CCDC171: variants seen among roughly 807,000 people sequenced by gnomAD.
CCDC171 encodes coiled-coil domain-containing protein 171.
CCDC171 carries 177 observed loss-of-function variants against 168.2 expected under a neutral mutation model. That is an observed-to-expected ratio of 1.05 (90% confidence interval 0.93 to 1.19). The LOEUF (loss-of-function observed/expected upper bound fraction) is 1.19. Among genes scored for constraint, CCDC171 ranks in the 50% most tolerant of loss-of-function variants. CCDC171 has a pLI of 0.00. For missense variants in CCDC171, 1,991 were observed against 1,539.0 expected, an observed-to-expected ratio of 1.29 and a Z score of -4.91; for synonymous variants, 687 against 540.8, an observed-to-expected ratio of 1.27 and a Z score of -3.75.
intron 16 of CCDC171, 101 bp from the exon 17 acceptor site, chr9:15,744,171 AG>A: frequency 1.1e-6 from 1 of 896,174 alleles, no homozygotes; most frequent in Non-Finnish European, 1.6e-6. Context: ...TTAAAGAGGA[AG>A]AAGTGGTTGT....
intron 25 of CCDC171, among the ~76,000 whole-genome samples, chr9:15,961,323 G>A (rs1056582430): frequency 6.6e-6 from 1 of 152,082 alleles, no homozygotes; most frequent in African/African-American, 2.4e-5. Context: ...ATGAAATAGT[G>A]GTCAGAAAAC....
downstream of CCDC171, among the ~76,000 whole-genome samples, chr9:15,977,965 C>T (rs1334070551): frequency 6.6e-6 from 1 of 152,072 alleles, no homozygotes; most frequent in African/African-American, 2.4e-5. Context: ...TATAATAGGA[C>T]ATCTCATTTT....
intron 24 of CCDC171, among the ~76,000 whole-genome samples, chr9:15,899,359 AT>A (rs36057582): frequency 0.38 from 58,302 of 151,910 alleles, 11,392 homozygotes; most frequent in Non-Finnish European, 0.42. Flanking sequence ...GTACTGAGGA[AT>A]GTGATTGCCT....
At chr9:15,945,995 C>A (rs972764582) in intron 25 of CCDC171, among the ~76,000 whole-genome samples, 2 of 151,344 alleles carry the variant, frequency 1.3e-5, no homozygotes, top group East Asian at 2.0e-4. Flanking sequence ...GTTTTCTTCT[C>A]TGGTTTTTAT....
chr9:15,884,659 AT>A (rs1344614411), intron 24 of CCDC171, among the ~76,000 whole-genome samples: 1 of 152,122 alleles, frequency 6.6e-6, no homozygotes, highest in Non-Finnish European at 1.5e-5. Context: ...TGGCCCTGTA[AT>A]TTAACCACCT....
In CCDC171 at chr9:15,815,728, C is replaced by A. The variant is rs147275050; in HGVS notation, c.3268-30974C>A. 3.0e-3 allele frequency among the ~76,000 whole-genome samples: 354 copies of A among 116,652 alleles called. 103 individuals are homozygous for A. The highest frequency in any genetic ancestry group is 0.012 in the Middle Eastern group (2 of 164). The allele number at this position is 116,652 out of a possible 152,430, so 76.5% of individuals were successfully genotyped here. A position where few individuals can be genotyped will look rare whatever the true frequency, so the allele number is the denominator to read the frequency against. On this transcript the variant is annotated intron_variant, in intron 21 of 25. Transcript: ENST00000380701. ...ATGTAAAGATCTCTTAGTTGCCAAA[C>A]CTTGGTTATAATAATAATTAACATC... is the stretch of plus-strand genomic sequence containing the variant.
rs548931552 is a variant in CCDC171 at position 16,053,425 on chromosome 9, C to G, written n.90-7221C>G. 3.4e-3 allele frequency among the ~76,000 whole-genome samples: 520 copies of G among 152,348 alleles called. 3 individuals are homozygous for G. The highest frequency in any genetic ancestry group is 0.012 in the African/African-American group (506 of 41,580). ...ACTGGGGGATACAGGCAAGTAAGGG[C>G]TCACATGTCAGCCCTGCCACTTACA... On this transcript the variant is annotated intron_variant and non_coding_transcript_variant, in intron 1 of 1. Coordinates refer to the CCDC171 transcript ENST00000478913.
chr9:15,591,067 A>G (rs150855438), intron 4 of CCDC171, among the ~76,000 whole-genome samples: 5 of 151,972 alleles, frequency 3.3e-5, no homozygotes, highest in African/African-American at 1.2e-4. Flanking sequence ...CTGGTGCTAG[A>G]AGTGCACCTA....
Position 15,671,441 on chromosome 9 carries a change from T to C in CCDC171, c.1076+5118T>C, listed in dbSNP as rs534186244. On this transcript the variant is annotated intron_variant, in intron 9 of 25. Transcript: ENST00000380701. ...GTATACATGTGCCACGTTGGTTTGC[T>C]GCATCCATCAACTCGCTTACATTAG... 1.2e-3 allele frequency among the ~76,000 whole-genome samples: 177 copies of C among 152,290 alleles called. 1 individual carries two copies. The highest frequency in any genetic ancestry group is 3.9e-3 in the Admixed American group (59 of 15,290).
At chr9:15,963,768 G>A (rs1830559056) in intron 25 of CCDC171, among the ~76,000 whole-genome samples, 1 of 152,150 alleles carries the variant, frequency 6.6e-6, no homozygotes, top group Admixed American at 6.5e-5. Context: ...GCTGGCAGTG[G>A]TTTCCTGGCA....
chr9:15,636,726 G>A (rs567780082), intron 7 of CCDC171, among the ~76,000 whole-genome samples: 2 of 144,642 alleles, frequency 1.4e-5, no homozygotes, highest in South Asian at 2.3e-4. Context: ...CTCTAGCCTG[G>A]GCAACAAAGT....
intron 12 of CCDC171, 53 bp from the exon 13 acceptor site, chr9:15,723,628 A>G (rs1460413213): frequency 7.3e-7 from 1 of 1,362,946 alleles, no homozygotes; most frequent in Non-Finnish European, 1.0e-6. Flanking sequence ...GAAAAATGTA[A>G]AAAAGTTACT....
At chr9:15,991,067 C>G (rs1356715850) in intron 3 of CCDC171, among the ~76,000 whole-genome samples, 1 of 152,128 alleles carries the variant, frequency 6.6e-6, no homozygotes, top group African/African-American at 2.4e-5. Context: ...AGTTCTGCAC[C>G]AAGCAGACCT....
intron 25 of CCDC171, among the ~76,000 whole-genome samples, chr9:15,950,515 G>C (rs2132454756): frequency 6.6e-6 from 1 of 152,068 alleles, no homozygotes; most frequent in South Asian, 2.1e-4. Flanking sequence ...TTCATATCCA[G>C]CCAAACTAAG....
At chr9:15,799,985 T>C (rs974881125) in intron 21 of CCDC171, among the ~76,000 whole-genome samples, 1 of 152,158 alleles carries the variant, frequency 6.6e-6, no homozygotes, top group Admixed American at 6.6e-5. Context: ...TAATACTCTA[T>C]TGTGTATAAG....
chr9:15,817,636 G>C lies in CCDC171; in HGVS notation c.3268-29066G>C, dbSNP rs538137394. ...TGAGATCAAACTGCGAGGTGGCAGGGAGGCTGGGGGAGGGGCGCCTGCCAT... is the reference window on the plus strand; with the variant it reads ...TGAGATCAAACTGCGAGGTGGCAGGCAGGCTGGGGGAGGGGCGCCTGCCAT... On this transcript the variant is annotated intron_variant, in intron 21 of 25. Coordinates refer to ENST00000380701, the MANE Select transcript of CCDC171 (RefSeq NM_173550.4). Among the ~76,000 whole-genome samples, 16 of 118,554 alleles carry C rather than the reference G, an allele frequency of 1.3e-4. 3 individuals carry two copies. Among genetic ancestry groups the C allele is most frequent in the African/African-American group, 4.7e-4 (15 of 31,692 alleles). 77.8% of individuals were successfully genotyped at this position (118,554 alleles called of 152,430 possible).
chr9:15,874,679 A>G lies in CCDC171; in HGVS notation c.3600+16A>G. 10 of 1,549,840 alleles carry G rather than the reference A, an allele frequency of 6.5e-6. No homozygotes were observed. Among genetic ancestry groups the G allele is most frequent in the Non-Finnish European group, 8.7e-6 (10 of 1,148,542 alleles). On this transcript the variant is annotated intron_variant, in intron 24 of 25. Coordinates refer to ENST00000380701, the MANE Select transcript of CCDC171 (RefSeq NM_173550.4). ...AGCATGCCAGGTTAGAGTCTAAATA[A>G]CATTGTTTGCTACTGAGACATATAG...
At chr9:15,597,932 T>C (rs898895484) in intron 6 of CCDC171, among the ~76,000 whole-genome samples, 16 of 152,214 alleles carry the variant, frequency 1.1e-4, no homozygotes, top group Non-Finnish European at 8.8e-5. Flanking sequence ...TTTATTTGCA[T>C]AGAGGTGTTT....
chr9:15,604,283 T>C (rs1279530624), intron 6 of CCDC171, among the ~76,000 whole-genome samples: 1 of 152,214 alleles, frequency 6.6e-6, no homozygotes, highest in Non-Finnish European at 1.5e-5. Context: ...TTTTTGCTTC[T>C]GTTGCAATTG....
Sources: gnomAD v4.1 joint callset for allele counts (sites outside exome capture counted in the v4.1 genomes callset) on GRCh38, gnomAD v4.1.1 for gene constraint, MANE v1.5 for transcripts, NCBI Gene and HGNC (gene_info 2026-07-23, HGNC 2026-07-21) for gene names.